The following SORCS1 variants were observed in gnomAD, a reference collection of about 807,000 sequenced individuals.
SORCS1 encodes sortilin related VPS10 domain containing receptor 1.
Under a neutral mutation model 146.1 loss-of-function variants are expected in SORCS1, and 60 were observed. The ratio of observed to expected loss-of-function variants is 0.41; its 90% CI spans 0.33 to 0.51. SORCS1 has a LOEUF of 0.51. SORCS1 is among the 20% of genes least tolerant of loss of function. The pLI, the probability that SORCS1 is intolerant of heterozygous loss-of-function variation, is 0.21. For missense variants in SORCS1, 1,352 were observed against 1,487.6 expected, an observed-to-expected ratio of 0.91 and a Z score of 1.50; for synonymous variants, 637 against 584.0, an observed-to-expected ratio of 1.09 and a Z score of -1.31.
chr10:106,938,272 G>T (rs1252690484), intron 2 of SORCS1, among the ~76,000 whole-genome samples: 1 of 152,156 alleles, frequency 6.6e-6, no homozygotes, highest in African/African-American at 2.4e-5. Context: ...ACATCAAGTT[G>T]ATGTTTGTCA....
intron 1 of SORCS1, among the ~76,000 whole-genome samples, chr10:107,091,407 A>G (rs1433071706): frequency 6.6e-6 from 1 of 152,236 alleles, no homozygotes; most frequent in African/African-American, 2.4e-5. Flanking sequence ...TAATGTGGTC[A>G]TATAAACAGG....
intron 17 of SORCS1, among the ~76,000 whole-genome samples, chr10:106,666,581 G>C (rs1397657214): frequency 2.1e-5 from 3 of 144,650 alleles, no homozygotes; most frequent in Admixed American, 7.1e-5. Flanking sequence ...TCTTGAGACA[G>C]AGTCTTACTC....
intron 17 of SORCS1, among the ~76,000 whole-genome samples, chr10:106,663,223 T>A (rs1001848730): frequency 6.6e-6 from 1 of 152,142 alleles, no homozygotes; most frequent in African/African-American, 2.4e-5. Flanking sequence ...TTATATACTC[T>A]GGCTTAGAAA....
rs557015110 is a variant in SORCS1, at chr10:106,937,485, TG to T, written c.626+19027del. On this transcript the variant is annotated intron_variant, in intron 2 of 25. Transcript: ENST00000263054. ...GAGTCACTGTGCCTGGCCAATCTGA[TG>T]GTTTTATAAAGGGCAGTTCCCTTGC... Among the ~76,000 whole-genome samples, 21 of 152,200 alleles carry T rather than the reference TG, an allele frequency of 1.4e-4. No individual in the cohort carries two copies. The South Asian group carries it at 4.1e-3, about 30-fold the overall frequency.
intron 3 of SORCS1, among the ~76,000 whole-genome samples, chr10:106,815,596 C>T (rs1947698785): frequency 6.6e-6 from 1 of 152,094 alleles, no homozygotes; most frequent in African/African-American, 2.4e-5. Context: ...CTTGGGTCTC[C>T]AGGGAGCCAG....
intron 2 of SORCS1, among the ~76,000 whole-genome samples, chr10:106,925,107 T>A (rs1298321359): frequency 6.6e-6 from 1 of 152,216 alleles, no homozygotes; most frequent in Non-Finnish European, 1.5e-5. Context: ...TATTTGCAAA[T>A]TAAAATATCA....
In SORCS1 at chr10:106,579,389, G is replaced by T; in HGVS notation, c.3351C>A (p.Phe1117Leu). ...CGCACCTTTTAAACTTGTAGATGACGAACACTGCCAGCCCCACAAACACCA... is the reference window on the plus strand; with the variant it reads ...CGCACCTTTTAAACTTGTAGATGACTAACACTGCCAGCCCCACAAACACCA... ...LSVVFVGLAV[F>L]VIYKFKRRVA... is the part of the protein sequence containing the mutation. The change falls in exon 25 of 26, where the codon TTC becomes TTA. Residue 1117 changes from phenylalanine to leucine, a missense_variant. Phe to Leu is a conservative substitution (Grantham distance 22). This residue lies in a region of SORCS1 where 214 missense variants were observed against 204.8 expected (regional missense o/e 1.05). Transcript: ENST00000263054. 1 of 1,613,920 alleles carries T rather than the reference G, an allele frequency of 6.2e-7. No homozygotes were observed. The highest frequency in any genetic ancestry group is 8.5e-7 in the Non-Finnish European group (1 of 1,179,976).
chr10:107,104,382 G>C (rs117397441), intron 1 of SORCS1, among the ~76,000 whole-genome samples: 2,480 of 152,306 alleles, frequency 0.016, 30 homozygotes, highest in Non-Finnish European at 0.027. Context: ...AATTGAATAT[G>C]TTTGGCTTGA....
intron 4 of SORCS1, among the ~76,000 whole-genome samples, chr10:106,765,867 C>T (rs992717034): frequency 6.6e-6 from 1 of 152,018 alleles, no homozygotes; most frequent in African/African-American, 2.4e-5. Flanking sequence ...ATCGGATCAA[C>T]GTATCCTCTC....
intron 3 of SORCS1, among the ~76,000 whole-genome samples, chr10:106,819,232 A>G (rs560252913): frequency 7.2e-5 from 11 of 152,340 alleles, no homozygotes; most frequent in African/African-American, 1.9e-4. Context: ...TGACACAATC[A>G]TTATATTTTA....
intron 12 of SORCS1, 43 bp downstream of exon 12, chr10:106,679,213 T>A (rs961226060): frequency 2.0e-6 from 3 of 1,524,558 alleles, no homozygotes; most frequent in Admixed American, 3.7e-5. Context: ...GCAATTTTTA[T>A]GTTACTTAAA....
chr10:106,816,486 A>G (rs555032017), intron 3 of SORCS1, among the ~76,000 whole-genome samples: 1 of 152,354 alleles, frequency 6.6e-6, no homozygotes, highest in South Asian at 2.1e-4. Flanking sequence ...GAGCATACCC[A>G]GCTATGCCTA....
chr10:106,989,680 G>GTTTTTTTTTTTTTTT (rs761689988), intron 1 of SORCS1, among the ~76,000 whole-genome samples: 21 of 70,366 alleles, frequency 3.0e-4, no homozygotes, highest in African/African-American at 1.1e-3. Context: ...GTTTTTTTTT[G>GTTTTTTTTTTTTTTT]TTTTTTTTTT....
At chr10:107,085,697 C>A (rs369486715) in intron 1 of SORCS1, among the ~76,000 whole-genome samples, 1 of 152,142 alleles carries the variant, frequency 6.6e-6, no homozygotes, top group African/African-American at 2.4e-5. Context: ...TTTGTTGACA[C>A]CCAAACATAT....
intron 17 of SORCS1, among the ~76,000 whole-genome samples, chr10:106,654,163 A>T (rs1169744566): frequency 6.6e-6 from 1 of 152,208 alleles, no homozygotes; most frequent in Non-Finnish European, 1.5e-5. Context: ...CCCTGAATAT[A>T]AGAGTAAAAT....
At chr10:106,676,760 A>C (rs1202427335) in intron 13 of SORCS1, among the ~76,000 whole-genome samples, 1 of 152,114 alleles carries the variant, frequency 6.6e-6, no homozygotes, top group Admixed American at 6.6e-5. Flanking sequence ...TAAACACAGA[A>C]ATTGATCCTC....
At chr10:107,084,358 C>T (rs907921657) in intron 1 of SORCS1, among the ~76,000 whole-genome samples, 10 of 151,668 alleles carry the variant, frequency 6.6e-5, no homozygotes, top group African/African-American at 1.9e-4. Flanking sequence ...CCGCCTCAGC[C>T]TCCCAAAGTG....
At chr10:106,699,150 C>T (rs942347709) in intron 9 of SORCS1, 64 bp downstream of exon 9, 14 of 1,426,008 alleles carry the variant, frequency 9.8e-6, no homozygotes, top group Middle Eastern at 1.9e-4. Context: ...AGAGTCCATG[C>T]GGGGCTTCCA....
intron 2 of SORCS1, among the ~76,000 whole-genome samples, chr10:106,868,161 T>G (rs1337823791): frequency 6.6e-6 from 1 of 152,158 alleles, no homozygotes; most frequent in East Asian, 1.9e-4. Context: ...CTATCCCAAA[T>G]ATATACACAC....
Sources: allele counts gnomAD v4.1 joint callset (sites outside exome capture counted in the v4.1 genomes callset), GRCh38; gene constraint gnomAD v4.1.1; regional missense constraint gnomAD v4.1.1; transcripts MANE v1.5; gene names NCBI Gene and HGNC (gene_info 2026-07-23, HGNC 2026-07-21).